Variants in IL21R observed in about 807,000 individuals in gnomAD.
IL21R encodes the protein interleukin-21 receptor.
Under a neutral mutation model 41.3 loss-of-function variants are expected in IL21R, and 14 were observed. That is an observed-to-expected ratio of 0.34 (90% CI 0.22 to 0.53). The LOEUF (loss-of-function observed/expected upper bound fraction) is 0.53, where lower values mean the gene tolerates loss of function less well. Ranked by LOEUF, IL21R falls within the 20% of genes least tolerant of loss-of-function variation. The pLI is 0.94. For missense variants in IL21R, 588 were observed against 681.6 expected (o/e 0.86, Z 1.53); for synonymous variants, 286 against 287.6 (o/e 0.99, Z 0.05).
At chr16:27,431,359 C>T (rs941724396) in intron 2 of IL21R, among the ~76,000 whole-genome samples, 10 of 152,166 alleles carry the variant, frequency 6.6e-5, no homozygotes, top group Admixed American at 2.6e-4. Context: ...GAGCGTCATC[C>T]CATTCCACTG....
At chr16:27,411,971 T>C (rs1278153231) in intron 1 of IL21R, among the ~76,000 whole-genome samples, 1 of 152,236 alleles carries the variant, frequency 6.6e-6, no homozygotes, top group South Asian at 2.1e-4. Context: ...TTTACTTTTG[T>C]TGCCTGTGCT....
chr16:27,431,885 C>A (rs2087178567), intron 2 of IL21R, among the ~76,000 whole-genome samples: 1 of 152,166 alleles, frequency 6.6e-6, no homozygotes, highest in Non-Finnish European at 1.5e-5. Flanking sequence ...CTCAAATGAT[C>A]CACCCGCCTC....
chr16:27,430,272 G>A (rs927728518), intron 2 of IL21R, 152 bp downstream of exon 2: 1 of 638,808 alleles, frequency 1.6e-6, no homozygotes. Flanking sequence ...CACGAGTCCA[G>A]TAGCCGGCTC....
At chr16:27,411,281 C>T (rs575889784) in intron 1 of IL21R, among the ~76,000 whole-genome samples, 2 of 152,022 alleles carry the variant, frequency 1.3e-5, no homozygotes, top group Admixed American at 1.3e-4. Context: ...TCTTCACCAC[C>T]ATTTGTTCTT....
chr16:27,449,739 G>A lies in IL21R; in HGVS notation c.*456G>A, dbSNP rs1162089388. ...TGGGATCAGGGCATTGCCTGTGACTGAGGCGGAGCCCAGCCCTCCAGCGTC... is the reference window on the plus strand; with the variant it reads ...TGGGATCAGGGCATTGCCTGTGACTAAGGCGGAGCCCAGCCCTCCAGCGTC... On this transcript the variant is annotated 3_prime_UTR_variant, in exon 9 of 9. Transcript: ENST00000337929. 4.1e-6 allele frequency: 1 copy of A among 242,688 alleles called. No individual in the cohort carries two copies. The highest frequency in any genetic ancestry group is 2.2e-5 in the African/African-American group (1 of 45,622). 15.0% of individuals were successfully genotyped at this position (242,688 alleles called of 1,614,324 possible).
intron 3 of IL21R, among the ~76,000 whole-genome samples, chr16:27,435,614 T>C (rs2087255647): frequency 6.6e-6 from 1 of 151,330 alleles, no homozygotes; most frequent in Non-Finnish European, 1.5e-5. Context: ...TCACCATACC[T>C]GGATAATTTT....
chr16:27,448,889 T>C lies in IL21R; in HGVS notation c.1223T>C (p.Leu408Pro). The change falls in exon 9 of 9, where the codon CTG becomes CCG. Residue 408 changes from leucine to proline, a missense_variant. Transcript: ENST00000337929. ...GYPALDLDAG[L>P]EPSPGLEDPL... ...CCAGCCCTGGACCTGGATGCTGGCC[T>C]GGAGCCCAGCCCAGGCCTAGAGGAC... 6.2e-7 allele frequency: 1 copy of C among 1,612,178 alleles called. No homozygotes were observed.
At chr16:27,414,285 C>T (rs144891506) in intron 1 of IL21R, among the ~76,000 whole-genome samples, 1 of 151,678 alleles carries the variant, frequency 6.6e-6, no homozygotes, top group Non-Finnish European at 1.5e-5. Context: ...AATGTGCTTT[C>T]TGAACTTATT....
At chr16:27,420,674 T>G (rs2086985036) in intron 1 of IL21R, among the ~76,000 whole-genome samples, 1 of 152,266 alleles carries the variant, frequency 6.6e-6, no homozygotes, top group Non-Finnish European at 1.5e-5. Context: ...GATCTTGAGT[T>G]GCAAGAATTC....
chr16:27,428,276 C>A (rs907169563), intron 1 of IL21R, among the ~76,000 whole-genome samples: 6 of 152,262 alleles, frequency 3.9e-5, no homozygotes, highest in African/African-American at 1.4e-4. Flanking sequence ...AGCCACACAG[C>A]TGGTCATCTG....
At chr16:27,408,103 A>G (rs1298411335) in intron 1 of IL21R, among the ~76,000 whole-genome samples, 1 of 151,476 alleles carries the variant, frequency 6.6e-6, no homozygotes, top group Non-Finnish European at 1.5e-5. Flanking sequence ...AAAGAAACAC[A>G]CTGTCCCTGC....
chr16:27,444,782 C>T, intron 6 of IL21R, 63 bp downstream of exon 6: 1 of 1,415,686 alleles, frequency 7.1e-7, no homozygotes, highest in East Asian at 2.5e-5. Context: ...GTTCTAGCCA[C>T]CCTAAGCCCT....
intron 1 of IL21R, 124 bp downstream of exon 1, chr16:27,402,742 T>A (rs966705899): frequency 4.7e-6 from 1 of 211,888 alleles, no homozygotes; most frequent in Non-Finnish European, 9.8e-6. Flanking sequence ...CAAGTCACAA[T>A]TGGGGACACT....
intron 1 of IL21R, among the ~76,000 whole-genome samples, chr16:27,406,729 C>T (rs1228881415): frequency 6.6e-6 from 1 of 152,160 alleles, no homozygotes; most frequent in African/African-American, 2.4e-5. Context: ...TAACCACACA[C>T]CTAATACTAA....
At chr16:27,410,477 A>G (rs1388201333) in intron 1 of IL21R, among the ~76,000 whole-genome samples, 1 of 152,194 alleles carries the variant, frequency 6.6e-6, no homozygotes, top group Non-Finnish European at 1.5e-5. Context: ...ATACTTTACA[A>G]CTTTATTAAC....
At chr16:27,428,577 G>T (rs1312755473) in intron 1 of IL21R, among the ~76,000 whole-genome samples, 2 of 152,258 alleles carry the variant, frequency 1.3e-5, no homozygotes, top group Non-Finnish European at 2.9e-5. Flanking sequence ...ACTGCCCTCT[G>T]GCTGGCACTT....
intron 1 of IL21R, among the ~76,000 whole-genome samples, chr16:27,404,700 C>T (rs1405660505): frequency 2.0e-5 from 3 of 152,184 alleles, no homozygotes; most frequent in Non-Finnish European, 2.9e-5. Flanking sequence ...CTTCCCAGCA[C>T]ACCACCCCTT....
chr16:27,440,416 G>T (rs1451066089), intron 4 of IL21R, among the ~76,000 whole-genome samples: 1 of 151,790 alleles, frequency 6.6e-6, no homozygotes, highest in Non-Finnish European at 1.5e-5. Flanking sequence ...TGGGACTACA[G>T]GTGCACATCA....
chr16:27,414,315 C>A (rs1409924042), intron 1 of IL21R, among the ~76,000 whole-genome samples: 2 of 151,906 alleles, frequency 1.3e-5, no homozygotes, highest in African/African-American at 4.8e-5. Context: ...TATAAATTTT[C>A]TTGTTTATTG....
Sources: allele counts gnomAD v4.1 joint callset (sites outside exome capture counted in the v4.1 genomes callset), GRCh38; gene constraint gnomAD v4.1.1; transcripts MANE v1.5; gene names NCBI Gene and HGNC (gene_info 2026-07-23, HGNC 2026-07-21).